The following SNRPD2 variants were observed in gnomAD, a reference collection of about 807,000 sequenced individuals.
SNRPD2 encodes the protein small nuclear ribonucleoprotein D2 polypeptide, also known as small nuclear ribonucleoprotein Sm D2.
Under a neutral mutation model 11.5 loss-of-function variants are expected in SNRPD2, and 1 was observed. The ratio of observed to expected loss-of-function variants is 0.09; its 90% CI spans 0.03 to 0.41. The LOEUF (loss-of-function observed/expected upper bound fraction) is 0.41, where lower values mean the gene tolerates loss of function less well. Among genes scored for constraint, SNRPD2 ranks in the 10% least tolerant of loss-of-function variants. The pLI, the probability that SNRPD2 is intolerant of heterozygous loss-of-function variation, is 0.98. For missense variants in SNRPD2, 77 were observed against 154.9 expected (o/e 0.50, Z 2.67); for synonymous variants, 63 against 61.5 (o/e 1.02, Z -0.12).
intron 1 of SNRPD2, among the ~76,000 whole-genome samples, chr19:45,691,175 G>C (rs913901593): frequency 3.2e-4 from 49 of 152,086 alleles, no homozygotes; most frequent in African/African-American, 1.1e-3. Flanking sequence ...TGTCGCTCAG[G>C]CTGGAAGTGC....
At chr19:45,691,660 C>G in intron 1 of SNRPD2, 1 of 614,816 alleles carries the variant, frequency 1.6e-6, no homozygotes, top group Non-Finnish European at 2.9e-6. Context: ...AATGAGCCCC[C>G]GCGCCCAGCC....
chr19:45,691,658 C>A, intron 1 of SNRPD2: 1 of 610,656 alleles, frequency 1.6e-6, no homozygotes, highest in Non-Finnish European at 3.0e-6. Context: ...GGAATGAGCC[C>A]CCGCGCCCAG....
In SNRPD2 at chr19:45,688,642, A is replaced by G; in HGVS notation, c.3-76T>C. ...GCTGGAGCTGTGAGGATGGGTGATCAGGGCCTTGGCTTCAGTGTCTCCCCA... is the reference window on the plus strand; with the variant it reads ...GCTGGAGCTGTGAGGATGGGTGATCGGGGCCTTGGCTTCAGTGTCTCCCCA... On this transcript the variant is annotated intron_variant, in intron 1 of 2. Coordinates refer to ENST00000342669, the MANE Select transcript of SNRPD2 (RefSeq NM_001384647.1). This position sits in a 1 kb window ranked among gnomAD's most constrained non-coding sequence, Gnocchi z 4.1. The G allele has an allele frequency of 1.7e-6, 2 of 1,178,246 alleles. No individual in the cohort carries two copies. The highest frequency in any genetic ancestry group is 1.3e-6 in the Non-Finnish European group (1 of 796,002). 73.0% of individuals were successfully genotyped at this position (1,178,246 alleles called of 1,614,324 possible).
At chr19:45,692,067 G>A, upstream of SNRPD2, 1 of 1,529,014 alleles carries the variant, frequency 6.5e-7, no homozygotes. Flanking sequence ...CACAATGATG[G>A]AATAAAAGCT....
Position 45,687,512 on chromosome 19 carries a change from A to G in SNRPD2, c.*41T>C, listed in dbSNP as rs1270531207. The G allele has an allele frequency of 6.3e-7, 1 of 1,587,394 alleles. No individual in the cohort carries two copies. The highest frequency in any genetic ancestry group is 2.2e-5 in the East Asian group (1 of 44,756). On this transcript the variant is annotated 3_prime_UTR_variant, in exon 3 of 3. Coordinates refer to ENST00000342669, the MANE Select transcript of SNRPD2 (RefSeq NM_001384647.1). This position sits in a 1 kb window ranked among gnomAD's most constrained non-coding sequence, Gnocchi z 4.1. ...CTCAACACCAATGGCAGCGGTCTTC[A>G]TAGGACAGAGGAGTGAGTTCTGTCA...
At chr19:45,692,256 G>A (rs1399296490), upstream of SNRPD2, 6 of 381,320 alleles carry the variant, frequency 1.6e-5, no homozygotes, top group African/African-American at 4.1e-5. Flanking sequence ...CGCGGCCTCC[G>A]TGAAGCCAAT....
At chr19:45,692,053 G>A (rs908368374), upstream of SNRPD2, 30 of 1,559,116 alleles carry the variant, frequency 1.9e-5, no homozygotes, top group African/African-American at 3.9e-4. Context: ...CCCCACCAAC[G>A]GTGCACAATG....
Position 45,691,904 on chromosome 19 carries a change from C to G in SNRPD2, c.-16G>C. The G allele has an allele frequency of 1.2e-6, 2 of 1,614,194 alleles. No homozygotes were observed. The highest frequency in any genetic ancestry group is 1.7e-6 in the Non-Finnish European group (2 of 1,180,022). On this transcript the variant is annotated 5_prime_UTR_variant, in exon 1 of 3. Transcript: ENST00000342669. Reference sequence around the variant, plus strand: ...GGCCTCACATGATGGTCACTACGCTCTCCGTTCACTCCCGTTTCCTCCGCG... The same window carrying G: ...GGCCTCACATGATGGTCACTACGCTGTCCGTTCACTCCCGTTTCCTCCGCG...
intron 1 of SNRPD2, 156 bp downstream of exon 1, chr19:45,691,731 C>T (rs1475194258): frequency 4.3e-6 from 4 of 926,484 alleles, no homozygotes; most frequent in African/African-American, 3.2e-5. Context: ...AAAGGCCCCA[C>T]GCCCGTTCTC....
In SNRPD2 at chr19:45,688,514, G is replaced by T; in HGVS notation, c.55C>A (p.Arg19=). ...SEMTPEELQK[R]EEEEFNTGPL... ...CCGGTGTTAAATTCCTCCTCCTCTC[G>T]CTTCTGCAGCTCCTCTGGGGTCATC... The change falls in exon 2 of 3, where the codon CGA becomes AGA. Residue 19 remains arginine (R), a synonymous_variant. Coordinates refer to ENST00000342669, the MANE Select transcript of SNRPD2 (RefSeq NM_001384647.1). This position sits in a 1 kb window ranked among gnomAD's most constrained non-coding sequence, Gnocchi z 4.1. 2 of 1,613,972 alleles carry T rather than the reference G, an allele frequency of 1.2e-6. No individual in the cohort carries two copies. Among genetic ancestry groups the T allele is most frequent in the Admixed American group, 1.7e-5 (1 of 59,994 alleles).
Position 45,687,815 on chromosome 19 carries a change from C to G in SNRPD2, c.183-88G>C. On this transcript the variant is annotated intron_variant, in intron 2 of 2. Transcript: ENST00000342669. This position sits in a 1 kb window ranked among gnomAD's most constrained non-coding sequence, Gnocchi z 4.1. ...ACTGCCTGCTGCTCGCCCCCTCCAG[C>G]AGCATGGCTTGGGGAAGGGTGCAGG... is the stretch of plus-strand genomic sequence containing the variant. 9.0e-7 allele frequency: 1 copy of G among 1,108,708 alleles called. No homozygotes were observed. The highest frequency in any genetic ancestry group is 1.3e-6 in the Non-Finnish European group (1 of 748,116). 68.7% of individuals were successfully genotyped at this position (1,108,708 alleles called of 1,614,324 possible).
chr19:45,688,493 T>C lies in SNRPD2; in HGVS notation c.76A>G (p.Thr26Ala). 6.2e-7 allele frequency: 1 copy of C among 1,613,934 alleles called. No homozygotes were observed. Among genetic ancestry groups the C allele is most frequent in the Non-Finnish European group, 8.5e-7 (1 of 1,179,890 alleles). Reference protein sequence around the residue: ...LQKREEEEFNTGPLSVLTQSV... With the variant: ...LQKREEEEFNAGPLSVLTQSV... ...TGTGTGAGCACAGAGAGTGGACCGG[T>C]GTTAAATTCCTCCTCCTCTCGCTTC... is the stretch of plus-strand genomic sequence containing the variant. The change falls in exon 2 of 3, where the codon ACC becomes GCC. Residue 26 changes from threonine (T) to alanine (A), a missense_variant. Coordinates refer to ENST00000342669, the MANE Select transcript of SNRPD2 (RefSeq NM_001384647.1). This position sits in a 1 kb window ranked among gnomAD's most constrained non-coding sequence, Gnocchi z 4.1.
rs572002703 is a variant in SNRPD2, at chr19:45,687,996, T to A, written c.183-269A>T. Among the ~76,000 whole-genome samples, 1 of 152,324 alleles carries A rather than the reference T, an allele frequency of 6.6e-6. No homozygotes were observed. The highest frequency in any genetic ancestry group is 1.5e-5 in the Non-Finnish European group (1 of 68,024). ...CACAGGGCCATTGAAAATTATCATT[T>A]TCTTTTTTGAGACAGAATCTCACTC... On this transcript the variant is annotated intron_variant, in intron 2 of 2. Transcript: ENST00000342669. The surrounding 1 kb of genome is among the most constrained non-coding windows in gnomAD (Gnocchi z 4.1).
chr19:45,690,899 C>T (rs1030194406), intron 1 of SNRPD2, among the ~76,000 whole-genome samples: 1 of 151,358 alleles, frequency 6.6e-6, no homozygotes, highest in Non-Finnish European at 1.5e-5. Context: ...AGGTTTCATT[C>T]ACTGATGTAT....
chr19:45,692,046 C>T, upstream of SNRPD2: 6 of 1,579,818 alleles, frequency 3.8e-6, no homozygotes, highest in South Asian at 6.9e-5. Context: ...CAGCATTCCC[C>T]ACCAACGGTG....
chr19:45,690,212 TCCC>T (rs1369642018), intron 1 of SNRPD2, among the ~76,000 whole-genome samples: 8 of 146,970 alleles, frequency 5.4e-5, no homozygotes, highest in Non-Finnish European at 1.2e-4. Context: ...GCGCCTGTAG[TCCC>T]AGCTACTCGG....
chr19:45,689,968 C>T (rs891929095), intron 1 of SNRPD2, among the ~76,000 whole-genome samples: 3 of 151,326 alleles, frequency 2.0e-5, no homozygotes, highest in African/African-American at 7.3e-5. Flanking sequence ...GCCCCAGCAG[C>T]GAAGGTTGCA....
chr19:45,691,223 C>T (rs572975559), intron 1 of SNRPD2, among the ~76,000 whole-genome samples: 8 of 152,154 alleles, frequency 5.3e-5, no homozygotes, highest in African/African-American at 4.8e-5. Context: ...CTCCGCCTCC[C>T]GGGTTCAAGC....
At chr19:45,691,224 G>A (rs572476780) in intron 1 of SNRPD2, among the ~76,000 whole-genome samples, 2 of 152,206 alleles carry the variant, frequency 1.3e-5, no homozygotes, top group South Asian at 4.1e-4. Flanking sequence ...TCCGCCTCCC[G>A]GGTTCAAGCG....
Sources: gnomAD v4.1 joint callset for allele counts (sites outside exome capture counted in the v4.1 genomes callset) on GRCh38, gnomAD v4.1.1 for gene constraint, Gnocchi (gnomAD v3.1) non-coding constraint, MANE v1.5 for transcripts, NCBI Gene and HGNC (gene_info 2026-07-23, HGNC 2026-07-21) for gene names.